The following HERC3 variants were observed in gnomAD, a reference collection of about 807,000 sequenced individuals.
The protein encoded by HERC3 is probable E3 ubiquitin-protein ligase HERC3.
Under a neutral mutation model 129.9 loss-of-function variants are expected in HERC3, and 58 were observed. That is an observed-to-expected ratio of 0.45 (90% CI 0.36 to 0.56). The LOEUF (loss-of-function observed/expected upper bound fraction) is 0.56, where lower values mean the gene tolerates loss of function less well. HERC3 is among the 20% of genes least tolerant of loss of function. HERC3 has a pLI of 0.00. For missense variants in HERC3, 835 were observed against 1,244.2 expected (o/e 0.67, Z 4.95); for synonymous variants, 430 against 451.0 (o/e 0.95, Z 0.59).
intron 3 of HERC3, among the ~76,000 whole-genome samples, chr4:88,642,420 A>G (rs1728218803): frequency 6.6e-6 from 1 of 152,274 alleles, no homozygotes; most frequent in Non-Finnish European, 1.5e-5. Flanking sequence ...ACATCTACCA[A>G]CAAATCTTAT....
chr4:88,705,000 A>G (rs374007784), intron 25 of HERC3, among the ~76,000 whole-genome samples: 1 of 151,978 alleles, frequency 6.6e-6, no homozygotes, highest in East Asian at 1.9e-4. Flanking sequence ...AGCTAGGACT[A>G]CAGGCACCTG....
At chr4:88,661,195 G>A (rs1730456025) in intron 10 of HERC3, among the ~76,000 whole-genome samples, 1 of 152,232 alleles carries the variant, frequency 6.6e-6, no homozygotes, top group Non-Finnish European at 1.5e-5. Flanking sequence ...GTTTTACAAG[G>A]AGGTGGAAAG....
chr4:88,571,631 C>T, the HERC3 span, among the ~76,000 whole-genome samples: 1 of 152,060 alleles, frequency 6.6e-6, no homozygotes, highest in African/African-American at 2.4e-5. Flanking sequence ...TAGCTGGAAC[C>T]CCATTATTCC....
intron 3 of HERC3, among the ~76,000 whole-genome samples, chr4:88,624,803 TAA>T (rs1256892581): frequency 2.0e-5 from 3 of 152,348 alleles, no homozygotes; most frequent in African/African-American, 7.2e-5. Flanking sequence ...ATTGTTTTCC[TAA>T]GTTTTCTTCT....
the HERC3 span, among the ~76,000 whole-genome samples, chr4:88,539,345 C>A: frequency 6.6e-6 from 1 of 152,142 alleles, no homozygotes; most frequent in East Asian, 1.9e-4. Context: ...AATCAACCTG[C>A]GAGGCTGCAG....
rs552335723 is a variant in HERC3 at position 88,634,795 on chromosome 4, G to A, written c.227-15045G>A. On this transcript the variant is annotated intron_variant, in intron 3 of 25. Transcript: ENST00000402738. ...CTCGAGGTCAGAGGTCCCAGAGGAA[G>A]GAGCAGGCACCCATCTCCACTCTTC... Among the ~76,000 whole-genome samples the A allele has an allele frequency of 3.1e-4, 47 of 151,878 alleles. No homozygotes were observed. The South Asian group carries it at 9.0e-3, about 29-fold the overall frequency.
At chr4:88,637,294 C>T (rs1017965492) in intron 3 of HERC3, among the ~76,000 whole-genome samples, 20 of 150,288 alleles carry the variant, frequency 1.3e-4, no homozygotes, top group African/African-American at 3.7e-4. Flanking sequence ...GGCATGATGG[C>T]GGACGCCTGT....
the HERC3 span, among the ~76,000 whole-genome samples, chr4:88,562,250 A>G: frequency 1.3e-5 from 2 of 152,140 alleles, no homozygotes; most frequent in Non-Finnish European, 2.9e-5. Flanking sequence ...GGTGATCAGT[A>G]ATGTTGAGCA....
At chr4:88,529,787 G>T in the HERC3 span, among the ~76,000 whole-genome samples, 1 of 151,990 alleles carries the variant, frequency 6.6e-6, no homozygotes, top group Admixed American at 6.6e-5. Flanking sequence ...TCTTTAGCTG[G>T]TTGAAATATT....
At chr4:88,692,888 C>T in intron 23 of HERC3, 14 of 985,382 alleles carry the variant, frequency 1.4e-5, no homozygotes, top group Non-Finnish European at 1.7e-5. Context: ...TTCCCATCCT[C>T]CTTTCGCCCT....
chr4:88,635,536 C>T (rs1017601071), intron 3 of HERC3, among the ~76,000 whole-genome samples: 3 of 152,026 alleles, frequency 2.0e-5, no homozygotes, highest in African/African-American at 7.2e-5. Flanking sequence ...ATTGGAATAC[C>T]TGAAAGAGAC....
rs1729582298 is a variant in HERC3 at position 88,654,089 on chromosome 4, G to A, written c.733G>A (p.Val245Ile). Reference sequence around the variant, plus strand: ...AAAACTCTTACGCACGCAAAAAGTTGTCTATATTAGTTGTGGAGAAGAACA... The same window carrying A: ...AAAACTCTTACGCACGCAAAAAGTTATCTATATTAGTTGTGGAGAAGAACA... ...HVKLLRTQKV[V>I]YISCGEEHTA... The change falls in exon 7 of 26, where the codon GTC becomes ATC. Residue 245 changes from valine to isoleucine, a missense_variant. Coordinates refer to ENST00000402738, the MANE Select transcript of HERC3 (RefSeq NM_014606.3). The A allele has an allele frequency of 6.2e-7, 1 of 1,613,572 alleles. No individual in the cohort carries two copies. Among genetic ancestry groups the A allele is most frequent in the Non-Finnish European group, 8.5e-7 (1 of 1,179,688 alleles).
the HERC3 span, among the ~76,000 whole-genome samples, chr4:88,533,304 A>G: frequency 6.6e-6 from 1 of 152,132 alleles, no homozygotes; most frequent in Non-Finnish European, 1.5e-5. Context: ...ATTGAGGATG[A>G]GTCTGCGTCT....
At chr4:88,688,012 G>A (rs912170606) in intron 23 of HERC3, among the ~76,000 whole-genome samples, 1 of 152,186 alleles carries the variant, frequency 6.6e-6, no homozygotes, top group Admixed American at 6.5e-5. Flanking sequence ...GGTATAGAGG[G>A]TGAATAACTT....
the HERC3 span, among the ~76,000 whole-genome samples, chr4:88,569,080 T>C: frequency 6.6e-6 from 1 of 152,278 alleles, no homozygotes; most frequent in Admixed American, 6.5e-5. Context: ...CTTTCAAAGA[T>C]ATTTAAGACC....
intron 3 of HERC3, among the ~76,000 whole-genome samples, chr4:88,644,299 G>A (rs529407250): frequency 2.0e-5 from 3 of 152,208 alleles, no homozygotes; most frequent in African/African-American, 7.2e-5. Flanking sequence ...TTACTCCAGT[G>A]TTAGGAAAAC....
the HERC3 span, among the ~76,000 whole-genome samples, chr4:88,543,457 A>G: frequency 1.1e-4 from 16 of 152,240 alleles, no homozygotes; most frequent in African/African-American, 3.4e-4. Context: ...ATGGAAGAAC[A>G]TTCCTTGCTC....
chr4:88,588,054 C>A (rs1038506726), upstream of HERC3, among the ~76,000 whole-genome samples: 3 of 152,224 alleles, frequency 2.0e-5, no homozygotes, highest in Admixed American at 6.5e-5. Flanking sequence ...ACCATCCAAT[C>A]CTGTTATCAT....
chr4:88,640,336 A>G (rs1727939365), intron 3 of HERC3, among the ~76,000 whole-genome samples: 1 of 152,238 alleles, frequency 6.6e-6, no homozygotes, highest in Admixed American at 6.5e-5. Flanking sequence ...AATGCCCATC[A>G]ATGATAGACT....
Sources: gnomAD v4.1 joint callset for allele counts (sites outside exome capture counted in the v4.1 genomes callset) on GRCh38, gnomAD v4.1.1 for gene constraint, MANE v1.5 for transcripts, NCBI Gene and HGNC (gene_info 2026-07-23, HGNC 2026-07-21) for gene names.